EMX2: variants seen among roughly 807,000 people sequenced by gnomAD.
EMX2 encodes empty spiracles homeobox 2.
In EMX2, 6 loss-of-function variants were observed where a neutral mutation model predicts 23.0. The observed-to-expected ratio is 0.26, with a 90% CI of 0.14 to 0.52. The LOEUF (loss-of-function observed/expected upper bound fraction) is 0.52, where lower values mean the gene tolerates loss of function less well. Among genes scored for constraint, EMX2 ranks in the 20% least tolerant of loss-of-function variants. The probability of loss-of-function intolerance (pLI) is 0.97; values close to 1 mark genes in which losing one functional copy is unlikely to be tolerated. For missense variants in EMX2, 302 were observed against 341.4 expected, an observed-to-expected ratio of 0.88 and a Z score of 0.91; for synonymous variants, 175 against 153.3, an observed-to-expected ratio of 1.14 and a Z score of -1.04.
rs34929200 is a variant in EMX2, at chr10:117,548,548, AAG to A, written c.*340_*341del. The A allele has an allele frequency of 0.04, 18,513 of 464,628 alleles. 537 individuals are homozygous for A. The highest frequency in any genetic ancestry group is 0.14 in the African/African-American group (6,752 of 49,308). The allele number at this position is 464,628 out of a possible 1,614,324, so 28.8% of individuals were successfully genotyped here. Reference sequence around the variant, plus strand: ...GGAGGGAGAGAGAGAAAGAGAGAGAAAGAGAGAGAGAGAGAGAGAGAGAGAAA... The same window carrying A: ...GGAGGGAGAGAGAGAAAGAGAGAGAAAGAGAGAGAGAGAGAGAGAGAGAAA... On this transcript the variant is annotated 3_prime_UTR_variant, in exon 3 of 3. Coordinates refer to ENST00000553456, the MANE Select transcript of EMX2 (RefSeq NM_004098.4).
chr10:117,547,847 C>G (rs1846601140), intron 2 of EMX2, among the ~76,000 whole-genome samples: 1 of 152,178 alleles, frequency 6.6e-6, no homozygotes, highest in South Asian at 2.1e-4. Context: ...TTCAGGAAGC[C>G]TCAGAAGGGC....
At chr10:117,547,267 G>C (rs755075965) in intron 2 of EMX2, among the ~76,000 whole-genome samples, 2 of 152,216 alleles carry the variant, frequency 1.3e-5, no homozygotes, top group Non-Finnish European at 2.9e-5. Context: ...CCAGCAGCCT[G>C]TTCCGGGGCT....
intron 1 of EMX2, 38 bp downstream of exon 1, chr10:117,543,711 C>T (rs767010028): frequency 6.2e-6 from 10 of 1,613,178 alleles, no homozygotes; most frequent in South Asian, 1.1e-5. Flanking sequence ...GCGCCGCTCC[C>T]GCCGCATCCT....
At chr10:117,545,536 C>T in intron 1 of EMX2, 96 bp from the exon 2 acceptor site, 1 of 1,515,926 alleles carries the variant, frequency 6.6e-7, no homozygotes, top group Non-Finnish European at 9.0e-7. Context: ...ATGCGAAGGC[C>T]CTGAGCACGG....
In EMX2 at chr10:117,543,425, C is replaced by T; in HGVS notation, c.158C>T (p.Ser53Leu). The T allele has an allele frequency of 1.3e-6, 2 of 1,597,504 alleles. No individual in the cohort carries two copies. The highest frequency in any genetic ancestry group is 1.7e-6 in the Non-Finnish European group (2 of 1,172,770). The change falls in exon 1 of 3, where the codon TCG (serine) becomes TTG (leucine). Residue 53 changes from serine to leucine, a missense_variant. Around this residue, in one of 4 missense-constraint regions of EMX2, gnomAD observed 221 missense variants for 206.8 expected, o/e 1.07. Coordinates refer to ENST00000553456, the MANE Select transcript of EMX2 (RefSeq NM_004098.4). ...PINPFLNGFH[S>L]AAAAAAGRGV... is the part of the protein sequence containing the mutation. ...AATCCGTTCCTCAACGGCTTCCACT[C>T]GGCCGCCGCCGCCGCCGCCGGTAGG...
rs1275687265 is a variant in EMX2 at position 117,543,426 on chromosome 10, G to T, written c.159G>T (p.Ser53=). ...ATCCGTTCCTCAACGGCTTCCACTCGGCCGCCGCCGCCGCCGCCGGTAGGG... is the reference window on the plus strand; with the variant it reads ...ATCCGTTCCTCAACGGCTTCCACTCTGCCGCCGCCGCCGCCGCCGGTAGGG... ...PINPFLNGFH[S]AAAAAAGRGV... The change falls in exon 1 of 3, where the codon TCG becomes TCT. Residue 53 remains serine (S), a synonymous_variant. Coordinates refer to ENST00000553456, the MANE Select transcript of EMX2 (RefSeq NM_004098.4). 6.3e-7 allele frequency: 1 copy of T among 1,597,134 alleles called. No homozygotes were observed. Among genetic ancestry groups the T allele is most frequent in the Non-Finnish European group, 8.5e-7 (1 of 1,172,762 alleles).
rs1441780307 is a variant in EMX2, at chr10:117,548,546, GA to G, written c.*317del. 17 of 393,886 alleles carry G rather than the reference GA, an allele frequency of 4.3e-5. No homozygotes were observed. In the Admixed American group the frequency reaches 4.5e-4, roughly 10 times the overall value. 24.4% of individuals were successfully genotyped at this position (393,886 alleles called of 1,614,324 possible). ...AGGGAGGGAGAGAGAGAAAGAGAGA[GA>G]AAGAGAGAGAGAGAGAGAGAGAGAG... On this transcript the variant is annotated 3_prime_UTR_variant, in exon 3 of 3. Transcript: ENST00000553456.
At chr10:117,543,791 C>T (rs1589648262) in intron 1 of EMX2, 118 bp downstream of exon 1, 3 of 1,506,078 alleles carry the variant, frequency 2.0e-6, no homozygotes, top group Admixed American at 3.5e-5. Flanking sequence ...GGCTCGCGGG[C>T]CAGCGCGCCC....
At position 117,548,225 on chromosome 10, in the gene EMX2, A is replaced by G. The variant is rs1846607872; in HGVS notation, c.752A>G (p.Asp251Gly). The change falls in exon 3 of 3, where the codon GAT (aspartate) becomes GGT (glycine). Residue 251 changes from aspartate to glycine, a missense_variant. Physicochemically the swap from Asp to Gly is moderately conservative, Grantham distance 94. Coordinates refer to ENST00000553456, the MANE Select transcript of EMX2 (RefSeq NM_004098.4). ...ASPEEIDVTS[D>G]D Reference sequence around the variant, plus strand: ...CCGGAGGAAATAGACGTGACCTCAGATGATTAAAAACATAAACCTAACCCC... The same window carrying G: ...CCGGAGGAAATAGACGTGACCTCAGGTGATTAAAAACATAAACCTAACCCC... 1 of 1,613,756 alleles carries G rather than the reference A, an allele frequency of 6.2e-7. No individual in the cohort carries two copies.
intron 1 of EMX2, 139 bp from the exon 2 acceptor site, chr10:117,545,493 A>T: frequency 9.5e-7 from 1 of 1,051,796 alleles, no homozygotes; most frequent in Non-Finnish European, 1.4e-6. Flanking sequence ...CCTTGGGAGG[A>T]CCACCGGCCC....
Position 117,548,572 on chromosome 10 carries a change from G to C in EMX2, c.*340G>C. On this transcript the variant is annotated 3_prime_UTR_variant, in exon 3 of 3. Transcript: ENST00000553456. ...AAAGAGAGAGAGAGAGAGAGAGAGA[G>C]AAAGCTGAACGTGCACTCTGACAAG... The C allele has an allele frequency of 2.0e-6, 1 of 501,692 alleles. No individual in the cohort carries two copies. Among genetic ancestry groups the C allele is most frequent in the Non-Finnish European group, 3.5e-6 (1 of 288,804 alleles). 31.1% of individuals were successfully genotyped at this position (501,692 alleles called of 1,614,324 possible). A position where few individuals can be genotyped will look rare whatever the true frequency, so the allele number is the denominator to read the frequency against.
At position 117,543,553 on chromosome 10, in the gene EMX2, G is replaced by A. The variant is rs1256812297; in HGVS notation, c.286G>A (p.Ala96Thr). 1.3e-6 allele frequency: 2 copies of A among 1,579,992 alleles called. No homozygotes were observed. The highest frequency in any genetic ancestry group is 1.7e-5 in the Admixed American group (1 of 57,612). Residue 96 changes from alanine (A) to threonine (T), a missense_variant, in exon 1 of 3, where the codon GCC becomes ACC. This residue lies in a region of EMX2 where 221 missense variants were observed against 206.8 expected (regional missense o/e 1.07). Coordinates refer to ENST00000553456, the MANE Select transcript of EMX2 (RefSeq NM_004098.4). ...HPVPPPHALA[A>T]HPLPSSHSPH... Reference sequence around the variant, plus strand: ...GGTGCCGCCGCCGCACGCCCTGGCCGCCCACCCCCTACCCTCCTCGCACTC... The same window carrying A: ...GGTGCCGCCGCCGCACGCCCTGGCCACCCACCCCCTACCCTCCTCGCACTC...
chr10:117,543,578 C>T lies in EMX2; in HGVS notation c.311C>T (p.Ser104Leu), dbSNP rs532461355. 3 of 1,613,216 alleles carry T rather than the reference C, an allele frequency of 1.9e-6. No individual in the cohort carries two copies. Among genetic ancestry groups the T allele is most frequent in the South Asian group, 2.2e-5 (2 of 91,074 alleles). Residue 104 changes from serine (S) to leucine (L), a missense_variant, in exon 1 of 3, where the codon TCG becomes TTG. Around this residue, in one of 4 missense-constraint regions of EMX2, gnomAD observed 221 missense variants for 206.8 expected, o/e 1.07. Transcript: ENST00000553456. ...LAAHPLPSSH[S>L]PHPLFASQQR... ...GCCCACCCCCTACCCTCCTCGCACT[C>T]GCCACACCCCCTATTCGCCTCGCAG...
chr10:117,547,945 C>T, intron 2 of EMX2, 120 bp from the exon 3 acceptor site: 2 of 1,426,916 alleles, frequency 1.4e-6, no homozygotes, highest in South Asian at 2.5e-5. Context: ...GGACTTGCAT[C>T]TCGGGGGCTG....
Position 117,543,636 on chromosome 10 carries a change from C to G in EMX2, c.369C>G (p.Leu123=), listed in dbSNP as rs1177326119. 1 of 1,613,548 alleles carries G rather than the reference C, an allele frequency of 6.2e-7. No individual in the cohort carries two copies. Among genetic ancestry groups the G allele is most frequent in the Non-Finnish European group, 8.5e-7 (1 of 1,179,760 alleles). Residue 123 remains leucine, a synonymous_variant, in exon 1 of 3, where the codon CTC becomes CTG. Coordinates refer to ENST00000553456, the MANE Select transcript of EMX2 (RefSeq NM_004098.4). ...QRDPSTFYPW[L]IHRYRYLGHR... ...ATCCGTCCACCTTCTACCCCTGGCT[C>G]ATCCACCGCTACCGATATCTGGGTC...
intron 2 of EMX2, among the ~76,000 whole-genome samples, chr10:117,546,296 G>A (rs1277670331): frequency 6.6e-6 from 1 of 152,222 alleles, no homozygotes; most frequent in African/African-American, 2.4e-5. Flanking sequence ...GCGATGGGAA[G>A]GTAGAGGGCA....
At chr10:117,547,126 T>C (rs929542479) in intron 2 of EMX2, among the ~76,000 whole-genome samples, 1 of 152,116 alleles carries the variant, frequency 6.6e-6, no homozygotes, top group Admixed American at 6.5e-5. Context: ...TCAGCTTTCC[T>C]AGGGGGCCGT....
Position 117,548,562 on chromosome 10 carries a change from GA to G in EMX2, c.*331del. ...AAAGAGAGAGAAAGAGAGAGAGAGA[GA>G]GAGAGAGAGAAAGCTGAACGTGCAC... On this transcript the variant is annotated 3_prime_UTR_variant, in exon 3 of 3. Coordinates refer to ENST00000553456, the MANE Select transcript of EMX2 (RefSeq NM_004098.4). 1.9e-6 allele frequency: 1 copy of G among 522,630 alleles called. No individual in the cohort carries two copies. The highest frequency in any genetic ancestry group is 3.3e-6 in the Non-Finnish European group (1 of 299,500). 32.4% of individuals were successfully genotyped at this position (522,630 alleles called of 1,614,324 possible). A position where few individuals can be genotyped will look rare whatever the true frequency, so the allele number is the denominator to read the frequency against.
intron 1 of EMX2, among the ~76,000 whole-genome samples, 194 bp from the exon 2 acceptor site, chr10:117,545,438 C>T (rs1490537601): frequency 6.6e-6 from 1 of 152,194 alleles, no homozygotes; most frequent in African/African-American, 2.4e-5. Context: ...GGTGGAGACC[C>T]GGCGTTCCGG....
Sources: gnomAD v4.1 joint callset for allele counts (sites outside exome capture counted in the v4.1 genomes callset) on GRCh38, gnomAD v4.1.1 for gene constraint, gnomAD v4.1.1 regional missense constraint, MANE v1.5 for transcripts, NCBI Gene and HGNC (gene_info 2026-07-23, HGNC 2026-07-21) for gene names.